SATB2: variants seen among roughly 807,000 people sequenced by gnomAD.
SATB2 encodes DNA-binding protein SATB2.
SATB2 carries 1 observed loss-of-function variant against 73.4 expected under a neutral mutation model. That is an observed-to-expected ratio of 0.01 (90% CI 0.00 to 0.06). The LOEUF (loss-of-function observed/expected upper bound fraction) is 0.06, where lower values mean the gene tolerates loss of function less well. Ranked by LOEUF, SATB2 falls within the 10% of genes least tolerant of loss-of-function variation. The pLI is 1.00. For missense variants in SATB2, 459 were observed against 945.8 expected (o/e 0.49, Z 6.75); for synonymous variants, 397 against 367.0 (o/e 1.08, Z -0.93).
chr2:199,355,330 G>A lies in SATB2; in HGVS notation c.701-6157C>T, dbSNP rs1365464148. Among the ~76,000 whole-genome samples the A allele has an allele frequency of 3.1e-5, 3 of 95,910 alleles. No individual in the cohort carries two copies. In the East Asian group the frequency reaches 1.2e-3, roughly 37 times the overall value. The allele number at this position is 95,910 out of a possible 152,430, so 62.9% of individuals were successfully genotyped here. On this transcript the variant is annotated intron_variant, in intron 6 of 10. Transcript: ENST00000417098. ...TGTATGTATATACATATGTATGTGT[G>A]TGTGTGTGTGTGTGTATCTATATAT...
At chr2:199,390,017 C>A (rs992275622) in intron 3 of SATB2, among the ~76,000 whole-genome samples, 1 of 151,650 alleles carries the variant, frequency 6.6e-6, no homozygotes, top group African/African-American at 2.4e-5. Context: ...TGTTATGTTA[C>A]AACCCTGACT....
intron 3 of SATB2, among the ~76,000 whole-genome samples, chr2:199,417,704 T>C (rs1691035374): frequency 6.6e-6 from 1 of 152,232 alleles, no homozygotes; most frequent in Admixed American, 6.5e-5. Context: ...TATTTCATTG[T>C]TTAAAATACA....
Position 199,308,779 on chromosome 2 carries a change from A to T in SATB2, c.1721T>A (p.Leu574His), listed in dbSNP as rs774550702. The change falls in exon 10 of 11, where the codon CTT (leucine) becomes CAT (histidine). Residue 574 changes from leucine to histidine, a missense_variant. Physicochemically the swap from Leu to His is moderately conservative, Grantham distance 99 (BLOSUM62 -3). Transcript: ENST00000417098. This position sits in a 1 kb window ranked among gnomAD's most constrained non-coding sequence, Gnocchi z 4.6. ...HSERMQHVVQLPPEPVQVLHR... is the reference protein window; with the variant it reads ...HSERMQHVVQHPPEPVQVLHR... ...ACTGACCTGCACCGGCTCAGGGGGA[A>T]GCTGGACCACGTGTTGCATGCGTTC... The T allele has an allele frequency of 6.2e-7, 1 of 1,614,074 alleles. No individual in the cohort carries two copies.
intron 3 of SATB2, 113 bp from the exon 4 acceptor site, chr2:199,381,933 G>C: frequency 8.2e-7 from 1 of 1,216,216 alleles, no homozygotes. Context: ...GGCCCACTCA[G>C]ATATTTTACA....
At chr2:199,353,913 A>G (rs1344603001) in intron 6 of SATB2, among the ~76,000 whole-genome samples, 1 of 152,206 alleles carries the variant, frequency 6.6e-6, no homozygotes, top group Non-Finnish European at 1.5e-5. Context: ...GGGCCATCTT[A>G]TCCCTGCAGT....
At chr2:199,338,258 C>T (rs952450539) in intron 7 of SATB2, among the ~76,000 whole-genome samples, 15 of 152,002 alleles carry the variant, frequency 9.9e-5, no homozygotes, top group African/African-American at 3.6e-4. Flanking sequence ...ATCCCAGCTA[C>T]TCGGGAGGCT....
intron 3 of SATB2, among the ~76,000 whole-genome samples, chr2:199,395,302 G>C (rs1690266160): frequency 6.6e-6 from 1 of 152,108 alleles, no homozygotes; most frequent in South Asian, 2.1e-4. Context: ...TGCTACACTA[G>C]AAGAAAGTAG....
intron 3 of SATB2, among the ~76,000 whole-genome samples, chr2:199,426,294 T>C (rs1182917481): frequency 6.6e-6 from 1 of 152,166 alleles, no homozygotes; most frequent in African/African-American, 2.4e-5. Context: ...TTTTTATTTA[T>C]TTATTTATTT....
intron 10 of SATB2, among the ~76,000 whole-genome samples, chr2:199,292,185 G>A (rs1245181862): frequency 6.6e-6 from 1 of 152,140 alleles, no homozygotes; most frequent in African/African-American, 2.4e-5. Context: ...AATCAATATG[G>A]TCCTTTTGGT....
intron 6 of SATB2, among the ~76,000 whole-genome samples, chr2:199,364,366 G>T (rs936271674): frequency 5.3e-5 from 8 of 152,080 alleles, no homozygotes; most frequent in Admixed American, 5.2e-4. Context: ...TGGCCTGGAC[G>T]TTTGATCTTG....
intron 9 of SATB2, among the ~76,000 whole-genome samples, chr2:199,319,559 C>A (rs75273697): frequency 0.029 from 4,361 of 152,068 alleles, 231 homozygotes; most frequent in African/African-American, 0.1. Context: ...AAAAGCAAGT[C>A]CACAGCCCTT....
intron 6 of SATB2, among the ~76,000 whole-genome samples, chr2:199,349,681 T>C (rs940440017): frequency 6.6e-6 from 1 of 152,220 alleles, no homozygotes; most frequent in Admixed American, 6.5e-5. Context: ...GTCTGCCACA[T>C]AGTATATCCA....
At chr2:199,341,540 C>G (rs1559171246) in intron 7 of SATB2, among the ~76,000 whole-genome samples, 1 of 152,184 alleles carries the variant, frequency 6.6e-6, no homozygotes, top group Non-Finnish European at 1.5e-5. Flanking sequence ...CTCTCTCTTT[C>G]CTCCACATTC....
chr2:199,413,922 AAG>A (rs1374834961), intron 3 of SATB2, among the ~76,000 whole-genome samples: 2 of 152,174 alleles, frequency 1.3e-5, no homozygotes, highest in Non-Finnish European at 2.9e-5. Flanking sequence ...GCCGCTGTTG[AAG>A]AGTTTCTGCT....
At position 199,455,755 on chromosome 2, in the gene SATB2, G is replaced by A; in HGVS notation, c.169+114C>T. The A allele has an allele frequency of 8.2e-7, 1 of 1,217,508 alleles. No individual in the cohort carries two copies. The highest frequency in any genetic ancestry group is 1.2e-6 in the Non-Finnish European group (1 of 864,880). The allele number at this position is 1,217,508 out of a possible 1,614,324, so 75.4% of individuals were successfully genotyped here. A position where few individuals can be genotyped will look rare whatever the true frequency, so the allele number is the denominator to read the frequency against. The stretch of plus-strand genomic sequence containing the variant: ...GACGGGGGCATTATTTGGCAACCTG[G>A]AATTCACTTCCTGTAATCCTACACC... On this transcript the variant is annotated intron_variant, in intron 2 of 10. Coordinates refer to ENST00000417098, the MANE Select transcript of SATB2 (RefSeq NM_001172509.2). This position sits in a 1 kb window ranked among gnomAD's most constrained non-coding sequence, Gnocchi z 4.1.
chr2:199,456,450 A>G (rs1365795304), intron 1 of SATB2, among the ~76,000 whole-genome samples: 1 of 152,232 alleles, frequency 6.6e-6, no homozygotes, highest in African/African-American at 2.4e-5. Context: ...TCCCGGGGTC[A>G]GGGTTGCGGA....
In SATB2 at chr2:199,455,996, G is replaced by A; in HGVS notation, c.42C>T (p.Pro14=). 6.5e-7 allele frequency: 1 copy of A among 1,542,082 alleles called. No homozygotes were observed. Among genetic ancestry groups the A allele is most frequent in the South Asian group, 1.2e-5 (1 of 84,206 alleles). The change falls in exon 2 of 11, where the codon CCC becomes CCT. Residue 14 remains proline, a synonymous_variant. Coordinates refer to ENST00000417098, the MANE Select transcript of SATB2 (RefSeq NM_001172509.2). The surrounding 1 kb of genome is among the most constrained non-coding windows in gnomAD (Gnocchi z 4.1). ...RSESPCLRDS[P]DRRSGSPDVK... is the part of the protein sequence containing the mutation. ...CGTCCGGGCTGCCGCTCCGCCGGTC[G>A]GGGCTGTCCCGCAGACACGGGCTCT...
At position 199,279,616 on chromosome 2, in the gene SATB2, G is replaced by C. The variant is rs1692418956; in HGVS notation, c.1741-6944C>G. 2.0e-5 allele frequency among the ~76,000 whole-genome samples: 3 copies of C among 152,162 alleles called. No individual in the cohort carries two copies. In the South Asian group the frequency reaches 6.2e-4, roughly 32 times the overall value. On this transcript the variant is annotated intron_variant, in intron 10 of 10. Coordinates refer to ENST00000417098, the MANE Select transcript of SATB2 (RefSeq NM_001172509.2). ...GTAATAGGTTAAAACAGTTTCCCAG[G>C]TGGTCACGTCTGTCTCTCTATGACA... is the stretch of plus-strand genomic sequence containing the variant.
At chr2:199,444,821 C>T (rs1171515771) in intron 2 of SATB2, among the ~76,000 whole-genome samples, 2 of 152,164 alleles carry the variant, frequency 1.3e-5, no homozygotes, top group Admixed American at 1.3e-4. Context: ...CTATACATGA[C>T]AGTTTCTATA....
Sources: gnomAD v4.1 joint callset for allele counts (sites outside exome capture counted in the v4.1 genomes callset) on GRCh38, gnomAD v4.1.1 for gene constraint, Gnocchi (gnomAD v3.1) non-coding constraint, MANE v1.5 for transcripts, NCBI Gene and HGNC (gene_info 2026-07-23, HGNC 2026-07-21) for gene names.